CPB1: variants seen among roughly 807,000 people sequenced by gnomAD.
The protein encoded by CPB1 is carboxypeptidase B.
CPB1 carries 53 observed loss-of-function variants against 51.4 expected under a neutral mutation model. That is an observed-to-expected ratio of 1.03 (90% CI 0.83 to 1.30). CPB1 has a LOEUF of 1.30. Ranked by LOEUF, CPB1 falls within the 50% of genes most tolerant of loss-of-function variation. The probability of loss-of-function intolerance (pLI) is 0.00; values close to 1 mark genes in which losing one functional copy is unlikely to be tolerated. For synonymous variants in CPB1, 189 were observed against 186.9 expected, an observed-to-expected ratio of 1.01 and a Z score of -0.09; for missense variants, 494 against 516.2, an observed-to-expected ratio of 0.96 and a Z score of 0.42.
chr3:148,840,622 A>T, intron 3 of CPB1, 64 bp from the exon 4 acceptor site: 2 of 1,386,350 alleles, frequency 1.4e-6, no homozygotes, highest in African/African-American at 1.4e-5. Context: ...CTGGGGTTTT[A>T]TGTGTGTTCA....
In CPB1 at chr3:148,832,625, AAAC is replaced by A. The variant is rs752042143; in HGVS notation, c.148-1868_148-1866del. On this transcript the variant is annotated intron_variant, in intron 2 of 10. Transcript: ENST00000282957. ...ACAGGGAAACTCTAGGAATGTGTGC[AAAC>A]AACACACTTCAGAATTATCCCACCT... is the stretch of plus-strand genomic sequence containing the variant. 6.6e-5 allele frequency among the ~76,000 whole-genome samples: 10 copies of A among 152,346 alleles called. No individual in the cohort carries two copies. The South Asian group carries it at 2.1e-3, about 32-fold the overall frequency.
chr3:148,834,270 T>C (rs1044844751), intron 2 of CPB1, among the ~76,000 whole-genome samples: 5 of 152,238 alleles, frequency 3.3e-5, no homozygotes, highest in African/African-American at 1.2e-4. Context: ...CTATGTTTTT[T>C]CATGTTCATT....
chr3:148,828,139 C>T (rs1219084725), intron 2 of CPB1, 62 bp downstream of exon 2: 67 of 1,264,754 alleles, frequency 5.3e-5, no homozygotes, highest in South Asian at 4.8e-4. Flanking sequence ...ACTGTGATTC[C>T]GACAATGGAA....
intron 6 of CPB1, among the ~76,000 whole-genome samples, chr3:148,843,651 A>C (rs774211970): frequency 5.3e-5 from 8 of 152,188 alleles, no homozygotes; most frequent in Non-Finnish European, 1.0e-4. Flanking sequence ...ATATATAATT[A>C]CAAACAGTAT....
Position 148,840,889 on chromosome 3 carries a change from C to G in CPB1, c.388C>G (p.Gln130Glu). 1 of 1,614,144 alleles carries G rather than the reference C, an allele frequency of 6.2e-7. No individual in the cohort carries two copies. The highest frequency in any genetic ancestry group is 8.5e-7 in the Non-Finnish European group (1 of 1,179,994). The change falls in exon 5 of 11, where the codon CAA becomes GAA. Residue 130 changes from glutamine to glutamate, a missense_variant. Coordinates refer to ENST00000282957, the MANE Select transcript of CPB1 (RefSeq NM_001871.3). Reference sequence around the variant, plus strand: ...CATTTGGTAGATAGAGGCTTGGACTCAACAAGTCGCCACTGAGAATCCAGC... The same window carrying G: ...CATTTGGTAGATAGAGGCTTGGACTGAACAAGTCGCCACTGAGAATCCAGC... ...NKWETIEAWT[Q>E]QVATENPALI...
intron 9 of CPB1, among the ~76,000 whole-genome samples, chr3:148,850,364 C>G (rs1713388740): frequency 6.6e-6 from 1 of 152,098 alleles, no homozygotes; most frequent in Non-Finnish European, 1.5e-5. Flanking sequence ...TGCAGTGGTG[C>G]AATCTCGGCT....
At chr3:148,842,281 G>C (rs112891279) in intron 6 of CPB1, among the ~76,000 whole-genome samples, 1 of 152,108 alleles carries the variant, frequency 6.6e-6, no homozygotes, top group Non-Finnish European at 1.5e-5. Flanking sequence ...ACCCACATTT[G>C]GTAGAGAGTC....
At chr3:148,843,365 A>G (rs1007495489) in intron 6 of CPB1, among the ~76,000 whole-genome samples, 10 of 152,062 alleles carry the variant, frequency 6.6e-5, no homozygotes, top group African/African-American at 2.4e-4. Context: ...AGTGCTTTAA[A>G]TATATAATAA....
intron 2 of CPB1, among the ~76,000 whole-genome samples, chr3:148,829,126 G>T (rs560380805): frequency 6.6e-6 from 1 of 152,290 alleles, no homozygotes; most frequent in East Asian, 1.9e-4. Context: ...ACTTTGACCT[G>T]TTGGGCTTAG....
At chr3:148,845,125 T>G (rs2108016691) in intron 8 of CPB1, among the ~76,000 whole-genome samples, 1 of 152,302 alleles carries the variant, frequency 6.6e-6, no homozygotes, top group African/African-American at 2.4e-5. Flanking sequence ...TTCATGGATA[T>G]TAGTTTGTCC....
chr3:148,834,087 A>C (rs960042788), intron 2 of CPB1, among the ~76,000 whole-genome samples: 7 of 152,206 alleles, frequency 4.6e-5, no homozygotes, highest in African/African-American at 1.7e-4. Context: ...TAAAAAGTAA[A>C]ACAGCTTCAT....
intron 10 of CPB1, among the ~76,000 whole-genome samples, chr3:148,859,025 A>G (rs140104368): frequency 3.9e-5 from 6 of 152,234 alleles, no homozygotes; most frequent in African/African-American, 1.4e-4. Flanking sequence ...TATGAGGCAT[A>G]CTGTTTTCTT....
At position 148,845,536 on chromosome 3, in the gene CPB1, C is replaced by G. The variant is rs1348883088; in HGVS notation, c.891C>G (p.Ile297Met). 6.2e-7 allele frequency: 1 copy of G among 1,613,926 alleles called. No individual in the cohort carries two copies. ...TCATCCGCAACAAACTCTCTTCCAT[C>G]AAGGCATATCTGACAATCCACTCGT... ...ADFIRNKLSS[I>M]KAYLTIHSYS... The change falls in exon 9 of 11, where the codon ATC (isoleucine) becomes ATG (methionine). Residue 297 changes from isoleucine to methionine, a missense_variant. Physicochemically the swap from Ile to Met is conservative, Grantham distance 10. Coordinates refer to ENST00000282957, the MANE Select transcript of CPB1 (RefSeq NM_001871.3).
chr3:148,836,278 T>C (rs186177188), intron 3 of CPB1, among the ~76,000 whole-genome samples: 2 of 152,232 alleles, frequency 1.3e-5, no homozygotes, highest in African/African-American at 4.8e-5. Context: ...AAGAATTGAC[T>C]GTCTTTTTAA....
chr3:148,848,016 T>C (rs1713307782), intron 9 of CPB1, among the ~76,000 whole-genome samples: 1 of 152,186 alleles, frequency 6.6e-6, no homozygotes, highest in Admixed American at 6.5e-5. Context: ...TATTTGATTA[T>C]CTGATTCATT....
chr3:148,848,846 G>T (rs1187444374), intron 9 of CPB1, among the ~76,000 whole-genome samples: 2 of 152,190 alleles, frequency 1.3e-5, no homozygotes, highest in Non-Finnish European at 2.9e-5. Flanking sequence ...GATATGTTTA[G>T]CAGAGCAGTA....
chr3:148,839,197 C>G (rs1031644842), intron 3 of CPB1, among the ~76,000 whole-genome samples: 2 of 152,048 alleles, frequency 1.3e-5, no homozygotes, highest in Non-Finnish European at 2.9e-5. Context: ...CCTGTTGAAG[C>G]CTTGAAGGTG....
rs776136484 is a variant in CPB1, at chr3:148,857,499, C to T, written c.1024C>T (p.His342Tyr). ...TACTGTGAAAGAACTTGCCTCACTG[C>T]ACGGCACCAAGTACACATATGGCCC... ...KATVKELASL[H>Y]GTKYTYGPGA... The change falls in exon 10 of 11, where the codon CAC (histidine) becomes TAC (tyrosine). Residue 342 changes from histidine (H) to tyrosine (Y), a missense_variant. Transcript: ENST00000282957. The T allele has an allele frequency of 6.2e-6, 10 of 1,613,976 alleles. No homozygotes were observed. Among genetic ancestry groups the T allele is most frequent in the Non-Finnish European group, 8.5e-6 (10 of 1,179,940 alleles).
chr3:148,850,585 C>T (rs902600640), intron 9 of CPB1, among the ~76,000 whole-genome samples: 4 of 152,062 alleles, frequency 2.6e-5, no homozygotes, highest in African/African-American at 9.7e-5. Context: ...CCACCGCGCC[C>T]GTCTTAATTG....
Sources: allele counts gnomAD v4.1 joint callset (sites outside exome capture counted in the v4.1 genomes callset), GRCh38; gene constraint gnomAD v4.1.1; transcripts MANE v1.5; gene names NCBI Gene and HGNC (gene_info 2026-07-23, HGNC 2026-07-21).